The following CREBL2 variants were observed in gnomAD, a reference collection of about 807,000 sequenced individuals.
The protein encoded by CREBL2 is cAMP-responsive element-binding protein-like 2.
A neutral mutation model predicts 19.5 loss-of-function variants in CREBL2; 4 were observed. The ratio of observed to expected loss-of-function variants is 0.20; its 90% CI spans 0.10 to 0.47. The LOEUF is 0.47. CREBL2 is among the 20% of genes least tolerant of loss of function. The pLI is 0.98. For missense variants in CREBL2, 85 were observed against 145.1 expected, an observed-to-expected ratio of 0.59 and a Z score of 2.13; for synonymous variants, 42 against 46.6, an observed-to-expected ratio of 0.90 and a Z score of 0.40.
intron 1 of CREBL2, among the ~76,000 whole-genome samples, chr12:12,630,297 A>G (rs1447586179): frequency 6.6e-6 from 1 of 151,716 alleles, no homozygotes; most frequent in East Asian, 1.9e-4. Flanking sequence ...TCTAATTCAG[A>G]TTTTCTATTT....
Position 12,612,055 on chromosome 12 carries a change from G to A in CREBL2, c.-118G>A. On this transcript the variant is annotated 5_prime_UTR_variant, in exon 1 of 4. Transcript: ENST00000228865. ...CAGGGAAGCGAACTGTTAGGCGAGA[G>A]GAGGAGGCAGCCAGAACCATATCCC... The A allele has an allele frequency of 1.6e-6, 2 of 1,244,782 alleles. No individual in the cohort carries two copies. The highest frequency in any genetic ancestry group is 2.3e-6 in the Non-Finnish European group (2 of 866,680). 77.1% of individuals were successfully genotyped at this position (1,244,782 alleles called of 1,614,324 possible). A position where few individuals can be genotyped will look rare whatever the true frequency, so the allele number is the denominator to read the frequency against.
At chr12:12,629,052 G>A (rs560855966) in intron 1 of CREBL2, among the ~76,000 whole-genome samples, 1 of 152,214 alleles carries the variant, frequency 6.6e-6, no homozygotes, top group African/African-American at 2.4e-5. Flanking sequence ...ATCAGAAAGT[G>A]TGAGCCCTCC....
At chr12:12,617,772 A>C (rs927326022) in intron 1 of CREBL2, among the ~76,000 whole-genome samples, 1 of 148,202 alleles carries the variant, frequency 6.7e-6, no homozygotes, top group Non-Finnish European at 1.5e-5. Flanking sequence ...GCAGATAAAC[A>C]TGTGAACAAG....
At chr12:12,615,101 G>A (rs774689606) in intron 1 of CREBL2, among the ~76,000 whole-genome samples, 1 of 152,006 alleles carries the variant, frequency 6.6e-6, no homozygotes, top group African/African-American at 2.4e-5. Flanking sequence ...TATAAACTCC[G>A]CCTCCCGGGT....
At chr12:12,617,742 C>T (rs1448619739) in intron 1 of CREBL2, among the ~76,000 whole-genome samples, 1 of 130,830 alleles carries the variant, frequency 7.6e-6, no homozygotes, top group Non-Finnish European at 1.6e-5. Flanking sequence ...GGTCACAGGA[C>T]AATAGTGGAG....
In CREBL2 at chr12:12,635,841, A is replaced by G. The variant is rs1945470910; in HGVS notation, c.80A>G (p.Lys27Arg). ...CGGAAGCCAGCCAAAATTGACTTGA[A>G]AGCAAAACTTGAGAGGAGCCGGCAG... ...RGRKPAKIDL[K>R]AKLERSRQSA... The change falls in exon 2 of 4, where the codon AAA becomes AGA. Residue 27 changes from lysine to arginine, a missense_variant. By Grantham distance (26) the Lys-to-Arg change is conservative. Transcript: ENST00000228865. 6.2e-7 allele frequency: 1 copy of G among 1,613,934 alleles called. No homozygotes were observed. The highest frequency in any genetic ancestry group is 1.7e-5 in the Admixed American group (1 of 59,980).
At chr12:12,615,799 C>CA (rs1945307424) in intron 1 of CREBL2, 1 of 152,318 alleles carries the variant, frequency 6.6e-6, no homozygotes, top group Non-Finnish European at 1.5e-5. Context: ...GCTACAATAT[C>CA]ACCTTTCTTG....
In CREBL2 at chr12:12,633,535, G is replaced by A. The variant is rs367783713; in HGVS notation, c.16-2242G>A. Among the ~76,000 whole-genome samples, 293 of 152,336 alleles carry A rather than the reference G, an allele frequency of 1.9e-3. 2 individuals carry two copies. The highest frequency in any genetic ancestry group is 0.014 in the South Asian group (67 of 4,824). On this transcript the variant is annotated intron_variant, in intron 1 of 3. Coordinates refer to ENST00000228865, the MANE Select transcript of CREBL2 (RefSeq NM_001310.4). ...TTGAAACTAACTTGGAAGCAGTACT[G>A]AAGAACCTGGCTTTAAGACGGTGAT...
intron 1 of CREBL2, among the ~76,000 whole-genome samples, chr12:12,632,234 C>T (rs1444342455): frequency 1.3e-5 from 2 of 151,038 alleles, no homozygotes; most frequent in African/African-American, 2.4e-5. Flanking sequence ...CCCGCCACTA[C>T]GCCCGGCTAA....
intron 1 of CREBL2, among the ~76,000 whole-genome samples, chr12:12,623,515 G>A (rs1945376869): frequency 6.6e-6 from 1 of 152,170 alleles, no homozygotes; most frequent in East Asian, 1.9e-4. Flanking sequence ...TCTGGATGGT[G>A]GGAGGATAGA....
intron 1 of CREBL2, among the ~76,000 whole-genome samples, chr12:12,625,425 C>T (rs1348809127): frequency 6.6e-6 from 1 of 152,180 alleles, no homozygotes; most frequent in Non-Finnish European, 1.5e-5. Context: ...CCTCAGCACA[C>T]CCCTTAACTG....
At chr12:12,640,892 TTATC>T (rs1333536751) in intron 3 of CREBL2, among the ~76,000 whole-genome samples, 3 of 152,194 alleles carry the variant, frequency 2.0e-5, no homozygotes, top group African/African-American at 4.8e-5. Flanking sequence ...GAAGTCCAAT[TTATC>T]TATTTTTGTT....
chr12:12,631,720 C>T (rs1020063369), intron 1 of CREBL2, among the ~76,000 whole-genome samples: 1 of 152,132 alleles, frequency 6.6e-6, no homozygotes, highest in African/African-American at 2.4e-5. Flanking sequence ...GTCTTTATGG[C>T]TTATGAAATA....
intron 1 of CREBL2, among the ~76,000 whole-genome samples, chr12:12,634,596 A>G (rs1945461066): frequency 6.6e-6 from 1 of 152,184 alleles, no homozygotes; most frequent in Non-Finnish European, 1.5e-5. Flanking sequence ...TAGGTGAGGA[A>G]AAGCTATTTA....
chr12:12,621,387 G>A (rs1006968816), intron 1 of CREBL2, among the ~76,000 whole-genome samples: 2 of 152,000 alleles, frequency 1.3e-5, no homozygotes, highest in African/African-American at 4.8e-5. Flanking sequence ...GCATGGTGGT[G>A]CATGCCTGTA....
intron 1 of CREBL2, among the ~76,000 whole-genome samples, chr12:12,612,932 C>T (rs1301109089): frequency 6.6e-6 from 1 of 152,166 alleles, no homozygotes; most frequent in Non-Finnish European, 1.5e-5. Context: ...AGTGCAATGG[C>T]GCGATCTCGG....
intron 1 of CREBL2, among the ~76,000 whole-genome samples, chr12:12,631,041 G>A (rs1272262468): frequency 6.6e-6 from 1 of 152,192 alleles, no homozygotes; most frequent in Non-Finnish European, 1.5e-5. Flanking sequence ...AGTTTAGCTT[G>A]TCTTAAAAGA....
rs1329087948 is a variant in CREBL2 at position 12,632,163 on chromosome 12, C to A, written c.16-3614C>A. 5.5e-4 allele frequency among the ~76,000 whole-genome samples: 78 copies of A among 141,816 alleles called. No homozygotes were observed. In the Admixed American group the frequency reaches 5.6e-3, roughly 10 times the overall value. The allele number at this position is 141,816 out of a possible 152,430, so 93.0% of individuals were successfully genotyped here. A position where few individuals can be genotyped will look rare whatever the true frequency, so the allele number is the denominator to read the frequency against. ...CGGGATCTCGGCTCACTGCAAGCTC[C>A]GCCTCCCGGGTTCACGCCATTCTCC... On this transcript the variant is annotated intron_variant, in intron 1 of 3. Coordinates refer to ENST00000228865, the MANE Select transcript of CREBL2 (RefSeq NM_001310.4).
intron 1 of CREBL2, among the ~76,000 whole-genome samples, chr12:12,617,288 T>C (rs1474426513): frequency 1.3e-5 from 2 of 152,256 alleles, no homozygotes; most frequent in East Asian, 3.9e-4. Context: ...ATACTTACAA[T>C]GGCAAATGAG....
Sources: allele counts gnomAD v4.1 joint callset (sites outside exome capture counted in the v4.1 genomes callset), GRCh38; gene constraint gnomAD v4.1.1; transcripts MANE v1.5; gene names NCBI Gene and HGNC (gene_info 2026-07-23, HGNC 2026-07-21).